Variants in CHAF1A observed in about 807,000 individuals in gnomAD.
CHAF1A encodes chromatin assembly factor 1 subunit A, also known as CAF-1 subunit A.
CHAF1A carries 5 observed loss-of-function variants against 93.2 expected under a neutral mutation model. That is an observed-to-expected ratio of 0.05 (90% CI 0.03 to 0.11). The LOEUF (loss-of-function observed/expected upper bound fraction) is 0.11. Among genes scored for constraint, CHAF1A ranks in the 10% least tolerant of loss-of-function variants. The pLI is 1.00. For missense variants in CHAF1A, 1,102 were observed against 1,259.9 expected (o/e 0.87, Z 1.90); for synonymous variants, 504 against 510.3 (o/e 0.99, Z 0.17).
At position 4,434,467 on chromosome 19, in the gene CHAF1A, T is replaced by G. The variant is rs140486314; in HGVS notation, c.2673+928T>G. 9.8e-5 allele frequency among the ~76,000 whole-genome samples: 15 copies of G among 152,304 alleles called. No homozygotes were observed. The East Asian group carries it at 2.9e-3, about 29-fold the overall frequency. ...ATGCTGTGCGTCTACCTTTATTGTTTTAAACAAAGAGGCTTCTCCCCACTG... is the reference window on the plus strand; with the variant it reads ...ATGCTGTGCGTCTACCTTTATTGTTGTAAACAAAGAGGCTTCTCCCCACTG... On this transcript the variant is annotated intron_variant, in intron 13 of 14. Coordinates refer to ENST00000301280, the MANE Select transcript of CHAF1A (RefSeq NM_005483.3).
chr19:4,446,189 A>G (rs1312129141), downstream of CHAF1A: 2 of 1,604,738 alleles, frequency 1.2e-6, no homozygotes, highest in African/African-American at 1.3e-5. Context: ...TCCCGAGCGT[A>G]GAAAGTGCCT....
chr19:4,446,996 G>A (rs1009723706), downstream of CHAF1A: 4 of 1,466,592 alleles, frequency 2.7e-6, no homozygotes, highest in East Asian at 2.4e-5. Context: ...CAGTCCAGGG[G>A]CCCGGCTCTC....
At chr19:4,423,741 T>C (rs1279091689) in intron 6 of CHAF1A, 65 bp from the exon 7 acceptor site, 1 of 1,502,512 alleles carries the variant, frequency 6.7e-7, no homozygotes, top group African/African-American at 1.4e-5. Context: ...GGCCTTTGCA[T>C]GTTTTGCAAC....
chr19:4,441,761 G>T (rs1046083477), intron 13 of CHAF1A, among the ~76,000 whole-genome samples: 1 of 151,970 alleles, frequency 6.6e-6, no homozygotes, highest in Non-Finnish European at 1.5e-5. Context: ...AACTGGGCGT[G>T]GTGTCAGGCG....
intron 7 of CHAF1A, among the ~76,000 whole-genome samples, chr19:4,425,817 A>G (rs921842109): frequency 2.6e-5 from 4 of 152,084 alleles, no homozygotes; most frequent in African/African-American, 4.8e-5. Flanking sequence ...CAGATGGGAA[A>G]CTCAGATGTA....
chr19:4,444,281 C>T (rs1333490429), downstream of CHAF1A, among the ~76,000 whole-genome samples: 1 of 152,198 alleles, frequency 6.6e-6, no homozygotes, highest in Non-Finnish European at 1.5e-5. Flanking sequence ...AGGTGCAGAC[C>T]TGCATCCCCA....
intron 7 of CHAF1A, among the ~76,000 whole-genome samples, chr19:4,426,768 C>T (rs147751299): frequency 6.6e-6 from 1 of 152,296 alleles, no homozygotes; most frequent in East Asian, 1.9e-4. Flanking sequence ...GCCACCACGC[C>T]CAGCTACAGT....
intron 7 of CHAF1A, among the ~76,000 whole-genome samples, chr19:4,426,431 G>C (rs867570528): frequency 1.4e-4 from 22 of 151,912 alleles, no homozygotes; most frequent in African/African-American, 5.3e-4. Context: ...GCCTCCCAAA[G>C]GGCTGGGATT....
intron 13 of CHAF1A, among the ~76,000 whole-genome samples, chr19:4,435,239 C>T (rs371555655): frequency 6.2e-4 from 94 of 151,312 alleles, no homozygotes; most frequent in Non-Finnish European, 1.2e-3. Context: ...TACAGGTGCC[C>T]GCCACCACGC....
chr19:4,403,387 C>T (rs1973622304), intron 1 of CHAF1A, among the ~76,000 whole-genome samples: 2 of 152,220 alleles, frequency 1.3e-5, no homozygotes. Context: ...TTGGAGCCCA[C>T]CACAGGCCTC....
At chr19:4,425,309 G>A (rs1233381879) in intron 7 of CHAF1A, among the ~76,000 whole-genome samples, 1 of 152,076 alleles carries the variant, frequency 6.6e-6, no homozygotes, top group Non-Finnish European at 1.5e-5. Flanking sequence ...GGAGAGCAGT[G>A]GCGCTATCTC....
intron 14 of CHAF1A, 73 bp downstream of exon 14, chr19:4,442,414 T>TG: frequency 3.2e-6 from 4 of 1,262,558 alleles, no homozygotes; most frequent in Non-Finnish European, 4.5e-6. Flanking sequence ...AGAGAAGGGA[T>TG]GGGGCTGCCT....
intron 3 of CHAF1A, among the ~76,000 whole-genome samples, chr19:4,415,860 G>A (rs1973888057): frequency 6.6e-6 from 1 of 152,078 alleles, no homozygotes; most frequent in Admixed American, 6.6e-5. Context: ...CTAGTCAGGG[G>A]TTCAGCTTTC....
In CHAF1A at chr19:4,431,569, C is replaced by T. The variant is rs568352639; in HGVS notation, c.1948-383C>T. Reference sequence around the variant, plus strand: ...CTTGTGCATATCTGACCACCGAGGCCTGAACTGTCAGTCAGAGAGTGGTCT... The same window carrying T: ...CTTGTGCATATCTGACCACCGAGGCTTGAACTGTCAGTCAGAGAGTGGTCT... On this transcript the variant is annotated intron_variant, in intron 11 of 14. Coordinates refer to ENST00000301280, the MANE Select transcript of CHAF1A (RefSeq NM_005483.3). Among the ~76,000 whole-genome samples the T allele has an allele frequency of 3.1e-4, 47 of 152,262 alleles. 1 individual carries two copies. The highest frequency in any genetic ancestry group is 1.1e-3 in the African/African-American group (46 of 41,554).
intron 3 of CHAF1A, among the ~76,000 whole-genome samples, chr19:4,410,567 G>C (rs1280125008): frequency 6.6e-6 from 1 of 151,976 alleles, no homozygotes; most frequent in Non-Finnish European, 1.5e-5. Context: ...TTTTAGTAGA[G>C]ACAGGGTTTC....
downstream of CHAF1A, chr19:4,445,364 C>G: frequency 2.1e-6 from 3 of 1,445,174 alleles, no homozygotes; most frequent in Non-Finnish European, 2.8e-6. Context: ...AGCTCCACGG[C>G]TGGCGCCCCT....
chr19:4,438,457 C>T (rs1255766471), intron 13 of CHAF1A, among the ~76,000 whole-genome samples: 3 of 151,972 alleles, frequency 2.0e-5, no homozygotes, highest in Non-Finnish European at 4.4e-5. Flanking sequence ...CCTCGGCCTC[C>T]CAAAGTACTG....
rs547047822 is a variant in CHAF1A at position 4,429,989 on chromosome 19, G to A, written c.1854+201G>A. Reference sequence around the variant, plus strand: ...CGAAAAATCTCATCTGGTGACACTCGCCCACGTGGCTGCTGGGGATGGGAT... The same window carrying A: ...CGAAAAATCTCATCTGGTGACACTCACCCACGTGGCTGCTGGGGATGGGAT... On this transcript the variant is annotated intron_variant, in intron 10 of 14. Coordinates refer to ENST00000301280, the MANE Select transcript of CHAF1A (RefSeq NM_005483.3). 28 of 545,600 alleles carry A rather than the reference G, an allele frequency of 5.1e-5. 1 individual carries two copies. The highest frequency in any genetic ancestry group is 4.9e-4 in the South Asian group (23 of 47,258). 33.8% of individuals were successfully genotyped at this position (545,600 alleles called of 1,614,324 possible). A position where few individuals can be genotyped will look rare whatever the true frequency, so the allele number is the denominator to read the frequency against.
chr19:4,435,432 G>T (rs1004789824), intron 13 of CHAF1A, among the ~76,000 whole-genome samples: 1 of 151,750 alleles, frequency 6.6e-6, no homozygotes. Context: ...TAGTGCAGTG[G>T]CGTGATCACC....
Sources: gnomAD v4.1 joint callset for allele counts (sites outside exome capture counted in the v4.1 genomes callset) on GRCh38, gnomAD v4.1.1 for gene constraint, MANE v1.5 for transcripts, NCBI Gene and HGNC (gene_info 2026-07-23, HGNC 2026-07-21) for gene names.